Variants in CCDC171 observed in about 807,000 individuals in gnomAD.
CCDC171 encodes the protein coiled-coil domain containing 171.
In CCDC171, 177 loss-of-function variants were observed where a neutral mutation model predicts 168.2. The observed-to-expected ratio is 1.05, with a 90% CI of 0.93 to 1.19. CCDC171 has a LOEUF of 1.19. Among genes scored for constraint, CCDC171 ranks in the 50% most tolerant of loss-of-function variants. CCDC171 has a pLI of 0.00. For synonymous variants in CCDC171, 687 were observed against 540.8 expected (o/e 1.27, Z -3.75); for missense variants, 1,991 against 1,539.0 (o/e 1.29, Z -4.91).
At chr9:15,767,294 G>A (rs2135203649) in intron 18 of CCDC171, among the ~76,000 whole-genome samples, 1 of 152,240 alleles carries the variant, frequency 6.6e-6, no homozygotes, top group South Asian at 2.1e-4. Flanking sequence ...GATTCTTTTT[G>A]CAGCTTTTAG....
In CCDC171 at chr9:15,711,194, G is replaced by C. The variant is rs567007860; in HGVS notation, c.1319-10575G>C. ...TTTTAACTAATTTAAATATGAATACGAATAATCACTGTTAAATAAATTTTA... is the reference window on the plus strand; with the variant it reads ...TTTTAACTAATTTAAATATGAATACCAATAATCACTGTTAAATAAATTTTA... On this transcript the variant is annotated intron_variant, in intron 11 of 25. Coordinates refer to ENST00000380701, the MANE Select transcript of CCDC171 (RefSeq NM_173550.4). Among the ~76,000 whole-genome samples the C allele has an allele frequency of 3.9e-5, 6 of 152,200 alleles. No individual in the cohort carries two copies. In the South Asian group the frequency reaches 1.2e-3, roughly 32 times the overall value.
In CCDC171 at chr9:15,706,691, A is replaced by G. The variant is rs150751245; in HGVS notation, c.1318+11354A>G. ...TGACTTTTTCTTCTTAGGATTCATGAAAGAAAGTCTTCCTTGTGGCTCAGT... is the reference window on the plus strand; with the variant it reads ...TGACTTTTTCTTCTTAGGATTCATGGAAGAAAGTCTTCCTTGTGGCTCAGT... On this transcript the variant is annotated intron_variant, in intron 11 of 25. Coordinates refer to ENST00000380701, the MANE Select transcript of CCDC171 (RefSeq NM_173550.4). Among the ~76,000 whole-genome samples the G allele has an allele frequency of 9.8e-3, 1,496 of 152,282 alleles. 10 individuals carry two copies. The highest frequency in any genetic ancestry group is 0.017 in the Non-Finnish European group (1,123 of 68,022).
chr9:15,745,703 A>G, intron 18 of CCDC171, 72 bp downstream of exon 18: 2 of 839,920 alleles, frequency 2.4e-6, no homozygotes, highest in Non-Finnish European at 3.6e-6. Flanking sequence ...TTATGTCACA[A>G]ATTCTAATAA....
the CCDC171 span, among the ~76,000 whole-genome samples, chr9:16,086,628 AGTCT>A: frequency 6.6e-6 from 1 of 151,878 alleles, no homozygotes; most frequent in Non-Finnish European, 1.5e-5. Context: ...TCTGGCTAGC[AGTCT>A]GTCTATTTTG....
At chr9:15,565,962 A>G (rs1194837139) in intron 2 of CCDC171, among the ~76,000 whole-genome samples, 2 of 152,236 alleles carry the variant, frequency 1.3e-5, no homozygotes, top group African/African-American at 2.4e-5. Context: ...GGGTCATTTT[A>G]TATTATCACT....
chr9:15,735,403 T>C (rs1588200649), intron 16 of CCDC171, among the ~76,000 whole-genome samples: 1 of 152,256 alleles, frequency 6.6e-6, no homozygotes, highest in African/African-American at 2.4e-5. Context: ...AAGATAGTTA[T>C]TGGAACAAGG....
At position 15,771,459 on chromosome 9, in the gene CCDC171, G is replaced by T. The variant is rs937263453; in HGVS notation, c.2672-6141G>T. Among the ~76,000 whole-genome samples the T allele has an allele frequency of 2.6e-5, 4 of 151,928 alleles. 1 individual carries two copies. The highest frequency in any genetic ancestry group is 2.6e-4 in the Admixed American group (4 of 15,252). ...AGTTAGGTTGCACATCTTTTCATTT[G>T]TTATAAGCCCATTCATATTCTACAA... On this transcript the variant is annotated intron_variant, in intron 18 of 25. Coordinates refer to ENST00000380701, the MANE Select transcript of CCDC171 (RefSeq NM_173550.4).
intron 14 of CCDC171, among the ~76,000 whole-genome samples, chr9:15,726,758 TA>T (rs1014985773): frequency 3.5e-4 from 54 of 152,260 alleles, no homozygotes; most frequent in African/African-American, 1.3e-3. Flanking sequence ...AAATCTATAA[TA>T]GACTTTCTAA....
intron 16 of CCDC171, among the ~76,000 whole-genome samples, chr9:15,736,784 T>C (rs1828946144): frequency 6.6e-6 from 1 of 152,062 alleles, no homozygotes; most frequent in Non-Finnish European, 1.5e-5. Context: ...CAGGTAATCC[T>C]TCCACTTCAG....
At chr9:15,731,992 C>T (rs2054180721) in intron 16 of CCDC171, among the ~76,000 whole-genome samples, 1 of 152,004 alleles carries the variant, frequency 6.6e-6, no homozygotes, top group African/African-American at 2.4e-5. Context: ...CACATATCTT[C>T]ATTTGTAAAG....
the CCDC171 span, among the ~76,000 whole-genome samples, chr9:16,082,670 A>G: frequency 6.6e-6 from 1 of 152,256 alleles, no homozygotes; most frequent in Non-Finnish European, 1.5e-5. Flanking sequence ...TGTATGTCTA[A>G]GTACACGCAT....
chr9:15,623,376 G>C lies in CCDC171; in HGVS notation c.785G>C (p.Ser262Thr), dbSNP rs1255418106. The change falls in exon 7 of 26, where the codon AGC (serine) becomes ACC (threonine). Residue 262 changes from serine to threonine, a missense_variant. Physicochemically the swap from Ser to Thr is moderately conservative, Grantham distance 58. Transcript: ENST00000380701. ...LRRQTSELEF[S>T]TQREERLRKE... ...CGACAAACAAGTGAACTTGAATTTA[G>C]CACTCAACGAGAGGAACGCCTTAGA... 1.9e-6 allele frequency: 3 copies of C among 1,610,484 alleles called. No homozygotes were observed. Among genetic ancestry groups the C allele is most frequent in the South Asian group, 1.1e-5 (1 of 90,676 alleles).
At chr9:15,581,535 A>C (rs537865850) in intron 4 of CCDC171, among the ~76,000 whole-genome samples, 1 of 152,218 alleles carries the variant, frequency 6.6e-6, no homozygotes, top group Non-Finnish European at 1.5e-5. Context: ...AAACTATACT[A>C]CAAGAATACA....
intron 8 of CCDC171, among the ~76,000 whole-genome samples, chr9:15,657,538 C>G (rs1485871542): frequency 6.6e-6 from 1 of 152,110 alleles, no homozygotes; most frequent in Non-Finnish European, 1.5e-5. Flanking sequence ...AAGAAATTTG[C>G]AGATTGGAGT....
chr9:15,909,178 A>C (rs2131798922), intron 24 of CCDC171, among the ~76,000 whole-genome samples: 1 of 152,344 alleles, frequency 6.6e-6, no homozygotes, highest in African/African-American at 2.4e-5. Context: ...CTATTAATAA[A>C]GCAAGGCTAA....
chr9:15,567,008 A>G (rs1436978146), intron 2 of CCDC171, among the ~76,000 whole-genome samples: 1 of 148,182 alleles, frequency 6.7e-6, no homozygotes, highest in Non-Finnish European at 1.5e-5. Context: ...CTTAACTCTG[A>G]TATATTGATC....
intron 4 of CCDC171, among the ~76,000 whole-genome samples, chr9:16,021,604 C>T (rs936859060): frequency 3.9e-5 from 6 of 152,062 alleles, no homozygotes; most frequent in Admixed American, 2.6e-4. Context: ...ATTCAAGTCT[C>T]TTACTTGAAA....
chr9:15,698,099 T>C (rs970037292), intron 11 of CCDC171, among the ~76,000 whole-genome samples: 1 of 152,190 alleles, frequency 6.6e-6, no homozygotes, highest in African/African-American at 2.4e-5. Context: ...CTAGAACTTA[T>C]TTCTTCTAAC....
At chr9:15,960,895 C>T (rs1035186653) in intron 25 of CCDC171, among the ~76,000 whole-genome samples, 1 of 151,932 alleles carries the variant, frequency 6.6e-6, no homozygotes, top group Non-Finnish European at 1.5e-5. Flanking sequence ...ATACCATGGT[C>T]AGTGGGGAAA....
Sources: allele counts gnomAD v4.1 joint callset (sites outside exome capture counted in the v4.1 genomes callset), GRCh38; gene constraint gnomAD v4.1.1; transcripts MANE v1.5; gene names NCBI Gene and HGNC (gene_info 2026-07-23, HGNC 2026-07-21).